Variants in SCD5 observed in about 807,000 individuals in gnomAD.
SCD5 encodes acyl-CoA-desaturase 4.
A neutral mutation model predicts 30.4 loss-of-function variants in SCD5; 20 were observed. The ratio of observed to expected loss-of-function variants is 0.66; its 90% confidence interval spans 0.46 to 0.96. The LOEUF is 0.96. Among genes scored for constraint, SCD5 ranks in the 40% least tolerant of loss-of-function variants. The pLI is 0.00. For missense variants in SCD5, 381 were observed against 443.3 expected, an observed-to-expected ratio of 0.86 and a Z score of 1.26; for synonymous variants, 173 against 176.4, an observed-to-expected ratio of 0.98 and a Z score of 0.16.
chr4:82,705,092 A>AC (rs897487512), intron 2 of SCD5, among the ~76,000 whole-genome samples, 191 bp downstream of exon 2: 5 of 151,888 alleles, frequency 3.3e-5, no homozygotes, highest in South Asian at 4.2e-4. Context: ...AGGGCACAAA[A>AC]CCCCCCCAGG....
rs35490627 is a variant in SCD5 at position 82,631,125 on chromosome 4, C to CAA, written c.*200_*201dup. 0.014 allele frequency: 5,736 copies of CAA among 412,644 alleles called. No homozygotes were observed. The highest frequency in any genetic ancestry group is 0.03 in the East Asian group (698 of 23,428). 25.6% of individuals were successfully genotyped at this position (412,644 alleles called of 1,614,324 possible). On this transcript the variant is annotated 3_prime_UTR_variant, in exon 5 of 5. Coordinates refer to ENST00000319540, the MANE Select transcript of SCD5 (RefSeq NM_001037582.3). ...GACTCTGTCTCAAAAACAAAACAAA[C>CAA]AAAAAAAAAAACGAAAGTTTTTTCA...
intron 2 of SCD5, among the ~76,000 whole-genome samples, chr4:82,683,116 C>T (rs1728616463): frequency 6.6e-6 from 1 of 152,144 alleles, no homozygotes; most frequent in Non-Finnish European, 1.5e-5. Flanking sequence ...ATATGTTCAG[C>T]TTTGAATATA....
intron 2 of SCD5, among the ~76,000 whole-genome samples, chr4:82,701,188 G>C (rs1008448966): frequency 3.9e-5 from 6 of 152,138 alleles, no homozygotes; most frequent in Non-Finnish European, 1.5e-5. Context: ...GTTTCGATTA[G>C]TTGTAAATGT....
intron 3 of SCD5, among the ~76,000 whole-genome samples, chr4:82,641,027 T>C (rs910236414): frequency 1.3e-5 from 2 of 152,048 alleles, no homozygotes; most frequent in Non-Finnish European, 2.9e-5. Context: ...GAGCCTCAGG[T>C]TTCTCTTCTG....
chr4:82,758,423 C>A (rs890047466), intron 1 of SCD5, among the ~76,000 whole-genome samples: 3 of 152,168 alleles, frequency 2.0e-5, no homozygotes, highest in African/African-American at 4.8e-5. Flanking sequence ...GGTGCCCCTG[C>A]ACTCCAGCCT....
intron 3 of SCD5, chr4:82,660,846 C>T (rs767784203): frequency 3.7e-6 from 6 of 1,613,686 alleles, no homozygotes; most frequent in Non-Finnish European, 5.1e-6. Flanking sequence ...TATCACCAAG[C>T]CTCGCTGTTG....
Position 82,798,791 on chromosome 4 carries a change from C to G in SCD5, c.-254G>C, listed in dbSNP as rs6841081. On this transcript the variant is annotated 5_prime_UTR_variant, in exon 1 of 5. Transcript: ENST00000319540. ...TATGGCTGCCCGGGCTGAACTCGGCCGCGAGAAAGAGGAGGCGCGCGCGGG... is the reference window on the plus strand; with the variant it reads ...TATGGCTGCCCGGGCTGAACTCGGCGGCGAGAAAGAGGAGGCGCGCGCGGG... 7.1e-6 allele frequency: 3 copies of G among 424,968 alleles called. No individual in the cohort carries two copies. The highest frequency in any genetic ancestry group is 1.2e-5 in the Non-Finnish European group (3 of 242,186). The allele number at this position is 424,968 out of a possible 1,614,324, so 26.3% of individuals were successfully genotyped here.
Position 82,798,410 on chromosome 4 carries a change from T to C in SCD5, c.128A>G (p.Gln43Arg). Residue 43 changes from glutamine to arginine, a missense_variant, in exon 1 of 5, where the codon CAG becomes CGG. Physicochemically the swap from Gln to Arg is conservative, Grantham distance 43. Coordinates refer to ENST00000319540, the MANE Select transcript of SCD5 (RefSeq NM_001037582.3). ...GACGACATTCCTCCAGACGATGTTCTGCCGCTGCCCGCGCGCGCCTGGCCT... is the reference window on the plus strand; with the variant it reads ...GACGACATTCCTCCAGACGATGTTCCGCCGCTGCCCGCGCGCGCCTGGCCT... ...PERPGARGQR[Q>R]NIVWRNVVLM... 2 of 1,613,394 alleles carry C rather than the reference T, an allele frequency of 1.2e-6. No homozygotes were observed. Among genetic ancestry groups the C allele is most frequent in the African/African-American group, 1.3e-5 (1 of 75,032 alleles).
At chr4:82,739,811 T>A (rs910568199) in intron 1 of SCD5, among the ~76,000 whole-genome samples, 2 of 152,246 alleles carry the variant, frequency 1.3e-5, no homozygotes, top group African/African-American at 4.8e-5. Context: ...GCACAGCATA[T>A]TCTCTTAAAG....
At chr4:82,666,564 A>C (rs1178811191) in intron 3 of SCD5, among the ~76,000 whole-genome samples, 1 of 151,912 alleles carries the variant, frequency 6.6e-6, no homozygotes, top group Non-Finnish European at 1.5e-5. Context: ...GTAGATTAAA[A>C]GATTACTCTA....
At chr4:82,663,524 A>G (rs1728071007) in intron 3 of SCD5, among the ~76,000 whole-genome samples, 1 of 152,200 alleles carries the variant, frequency 6.6e-6, no homozygotes, top group African/African-American at 2.4e-5. Context: ...GCCCTCTCTT[A>G]CAAAGCAAAA....
chr4:82,729,003 A>T (rs1475312267), intron 1 of SCD5, among the ~76,000 whole-genome samples: 3 of 152,150 alleles, frequency 2.0e-5, no homozygotes, highest in Admixed American at 1.3e-4. Flanking sequence ...TTAAAAAGGA[A>T]TGGGAATTTT....
At chr4:82,730,502 T>C (rs1012730205) in intron 1 of SCD5, among the ~76,000 whole-genome samples, 46 of 150,954 alleles carry the variant, frequency 3.0e-4, no homozygotes, top group African/African-American at 1.1e-3. Context: ...TTCACCGTGT[T>C]AGCCAAGATG....
At chr4:82,753,329 T>A in intron 1 of SCD5, 1 of 531,194 alleles carries the variant, frequency 1.9e-6, no homozygotes, top group South Asian at 1.4e-5. Context: ...GGGTTCTGTG[T>A]ATGGCCAGAG....
intron 3 of SCD5, among the ~76,000 whole-genome samples, chr4:82,657,671 T>A (rs1406200731): frequency 6.6e-6 from 1 of 152,212 alleles, no homozygotes; most frequent in African/African-American, 2.4e-5. Context: ...TAGCACTGAA[T>A]CTATAAATTA....
chr4:82,749,865 T>A (rs1226223265), intron 1 of SCD5, among the ~76,000 whole-genome samples: 1 of 152,238 alleles, frequency 6.6e-6, no homozygotes, highest in Non-Finnish European at 1.5e-5. Context: ...GAGTTATTTA[T>A]TTGAAATGAC....
At chr4:82,753,719 C>T (rs1208111251) in intron 1 of SCD5, among the ~76,000 whole-genome samples, 1 of 152,076 alleles carries the variant, frequency 6.6e-6, no homozygotes, top group African/African-American at 2.4e-5. Flanking sequence ...TCCATATTTG[C>T]CTCCCCCCTC....
chr4:82,636,906 A>C, intron 3 of SCD5, 83 bp from the exon 4 acceptor site: 1 of 1,212,842 alleles, frequency 8.2e-7, no homozygotes, highest in Non-Finnish European at 1.1e-6. Flanking sequence ...AAAAGTCAGA[A>C]AAAAGCCCAG....
chr4:82,794,005 C>T (rs1271113243), intron 1 of SCD5, among the ~76,000 whole-genome samples: 2 of 152,186 alleles, frequency 1.3e-5, no homozygotes, highest in African/African-American at 2.4e-5. Flanking sequence ...CGATGCCCAA[C>T]GGAAGACAGC....
Sources: allele counts gnomAD v4.1 joint callset (sites outside exome capture counted in the v4.1 genomes callset), GRCh38; gene constraint gnomAD v4.1.1; transcripts MANE v1.5; gene names NCBI Gene and HGNC (gene_info 2026-07-23, HGNC 2026-07-21).